Variants in TCOF1 observed in about 807,000 individuals in gnomAD.
TCOF1 encodes treacle protein.
TCOF1 carries 33 observed loss-of-function variants against 149.0 expected under a neutral mutation model. The observed-to-expected ratio is 0.22, with a 90% CI of 0.17 to 0.30. The LOEUF is 0.30. Ranked by LOEUF, TCOF1 falls within the 10% of genes least tolerant of loss-of-function variation. The pLI is 1.00. For missense variants in TCOF1, 1,728 were observed against 1,840.7 expected (o/e 0.94, Z 1.12); for synonymous variants, 789 against 738.8 (o/e 1.07, Z -1.10).
intron 1 of TCOF1, 49 bp from the exon 2 acceptor site, chr5:150,361,107 C>T: frequency 6.2e-7 from 1 of 1,612,528 alleles, no homozygotes; most frequent in South Asian, 1.1e-5. Flanking sequence ...CAAGAAGGAT[C>T]CTTACTGTGC....
chr5:150,376,731 A>G, intron 14 of TCOF1, 111 bp downstream of exon 14: 2 of 1,119,818 alleles, frequency 1.8e-6, no homozygotes, highest in South Asian at 1.3e-5. Context: ...GAAGCCTCAG[A>G]GGTAGCCTCA....
At position 150,392,714 on chromosome 5, in the gene TCOF1, C is replaced by T. The variant is rs1767692506; in HGVS notation, c.3527C>T (p.Thr1176Ile). 2 of 1,613,882 alleles carry T rather than the reference C, an allele frequency of 1.2e-6. No individual in the cohort carries two copies. The highest frequency in any genetic ancestry group is 1.3e-5 in the African/African-American group (1 of 74,912). ...AKSAHTLVGPTPSRTETLVEE... is the reference protein window; with the variant it reads ...AKSAHTLVGPIPSRTETLVEE... ...TACTGTGCTTCTCCAGTAGGTCCCACCCCCTCCAGGACAGAGACCCTGGTG... is the reference window on the plus strand; with the variant it reads ...TACTGTGCTTCTCCAGTAGGTCCCATCCCCTCCAGGACAGAGACCCTGGTG... Residue 1176 changes from threonine (T) to isoleucine (I), a missense_variant, in exon 22 of 27, where the codon ACC becomes ATC. Coordinates refer to ENST00000643257, the MANE Select transcript of TCOF1 (RefSeq NM_001371623.1).
intron 24 of TCOF1, among the ~76,000 whole-genome samples, chr5:150,397,819 A>G (rs1436694253): frequency 6.6e-6 from 1 of 152,232 alleles, no homozygotes; most frequent in Non-Finnish European, 1.5e-5. Context: ...CTAAAGAAAA[A>G]TGGTAGTCAT....
chr5:150,379,342 AGAGGAGGACTCAGGGAGCAGT>A lies in TCOF1; in HGVS notation c.2601_2621del (p.Asp867_Glu873del), dbSNP rs1331693528. ...CAGCAGCTCAGGCCCAGACAGGGCC[AGAGGAGGACTCAGGGAGCAGT>A]GAGGAGGAGTCAGACAGTGAGGAGG... On this transcript the variant is annotated inframe_deletion, in exon 16 of 27. Transcript: ENST00000643257. 1.2e-6 allele frequency: 2 copies of A among 1,614,220 alleles called. No homozygotes were observed. The highest frequency in any genetic ancestry group is 3.3e-5 in the Admixed American group (2 of 60,030).
chr5:150,380,873 A>T (rs1455234666), intron 17 of TCOF1: 1 of 152,120 alleles, frequency 6.6e-6, no homozygotes, highest in African/African-American at 2.4e-5. Context: ...GCCAGGCGTG[A>T]TGGCAGGCGT....
At chr5:150,398,228 G>T in intron 24 of TCOF1, 126 bp from the exon 25 acceptor site, 1 of 1,571,902 alleles carries the variant, frequency 6.4e-7, no homozygotes. Flanking sequence ...CGCCCTGCTG[G>T]CCTGTTGTGA....
Position 150,396,534 on chromosome 5 carries a change from G to T in TCOF1, c.4037G>T (p.Arg1346Leu), listed in dbSNP as rs979889720. The change falls in exon 24 of 27, where the codon CGC (arginine) becomes CTC (leucine). Residue 1346 changes from arginine to leucine, a missense_variant. Physicochemically the swap from Arg to Leu is moderately radical, Grantham distance 102 (BLOSUM62 -2). This residue lies in a region of TCOF1 where 1,696 missense variants were observed against 1,765.4 expected (regional missense o/e 0.96). Coordinates refer to ENST00000643257, the MANE Select transcript of TCOF1 (RefSeq NM_001371623.1). ...KESSRKGWES[R>L]KRKLSGDQPA... ...AGCAGCAGGAAGGGCTGGGAGAGCC[G>T]CAAGCGGAAGCTATCGGGAGACCAG... The T allele has an allele frequency of 6.2e-7, 1 of 1,600,900 alleles. No individual in the cohort carries two copies. The highest frequency in any genetic ancestry group is 8.5e-7 in the Non-Finnish European group (1 of 1,173,972).
At chr5:150,388,613 A>G (rs140418773) in intron 18 of TCOF1, among the ~76,000 whole-genome samples, 126 of 152,332 alleles carry the variant, frequency 8.3e-4, no homozygotes, top group African/African-American at 3.0e-3. Context: ...TAACAGTTTT[A>G]CAAGCAATAA....
chr5:150,384,500 CCTCTGGCTCTGTGTGGAGCCTTTACG>C (rs1212368267), intron 17 of TCOF1: 2 of 985,492 alleles, frequency 2.0e-6, no homozygotes, highest in African/African-American at 3.5e-5. Flanking sequence ...TGGGCATTGC[CCTCTGGCTCTGTGTGGAGCCTTTACG>C]AGGCCACCTG....
At position 150,379,669 on chromosome 5, in the gene TCOF1, A is replaced by G; in HGVS notation, c.2796A>G (p.Ser932=). The G allele has an allele frequency of 6.2e-7, 1 of 1,614,210 alleles. No homozygotes were observed. The highest frequency in any genetic ancestry group is 1.1e-5 in the South Asian group (1 of 91,084). ...SAAQAGKQDD[S]GSSSEESDSD... Reference sequence around the variant, plus strand: ...CCCAGGCAGGGAAGCAGGATGACTCAGGGAGCAGCAGCGAGGAATCAGACA... The same window carrying G: ...CCCAGGCAGGGAAGCAGGATGACTCGGGGAGCAGCAGCGAGGAATCAGACA... Residue 932 remains serine (S), a synonymous_variant, in exon 17 of 27, where the codon TCA becomes TCG. Transcript: ENST00000643257.
In TCOF1 at chr5:150,387,958, T is replaced by C; in HGVS notation, c.2916T>C (p.Ala972=). The C allele has an allele frequency of 9.3e-6, 15 of 1,614,030 alleles. No homozygotes were observed. The highest frequency in any genetic ancestry group is 1.3e-5 in the Non-Finnish European group (15 of 1,180,032). Residue 972 remains alanine (A), a synonymous_variant, in exon 18 of 27, where the codon GCT becomes GCC. Transcript: ENST00000643257. ...CTAATCGTAGTCCAGCTGGCCCAGC[T>C]GCTACACCCGCACAAGCCCAGGCTG... ...VDPNRSPAGP[A]ATPAQAQAAS... is the part of the protein sequence containing the mutation.
chr5:150,370,210 G>A (rs547583079), intron 6 of TCOF1, among the ~76,000 whole-genome samples: 29 of 152,294 alleles, frequency 1.9e-4, no homozygotes, highest in Non-Finnish European at 2.8e-4. Context: ...GCAAGGGAGC[G>A]TCCCTCAGAT....
rs1380066886 is a variant in TCOF1, at chr5:150,393,398, T to C, written c.3630T>C (p.Pro1210=). Reference sequence around the variant, plus strand: ...CTCTCCTCTCAGGTTATATGACCCCTGGACTAACCCCAGCCAATTCCCAGG... The same window carrying C: ...CTCTCCTCTCAGGTTATATGACCCCCGGACTAACCCCAGCCAATTCCCAGG... The part of the protein sequence containing the change: ...SQSLLSGYMT[P]GLTPANSQAS... The change falls in exon 23 of 27, where the codon CCT becomes CCC. Residue 1210 remains proline (P), a synonymous_variant. Transcript: ENST00000643257. 1 of 1,614,090 alleles carries C rather than the reference T, an allele frequency of 6.2e-7. No individual in the cohort carries two copies. Among genetic ancestry groups the C allele is most frequent in the East Asian group, 2.2e-5 (1 of 44,868 alleles).
rs1404649247 is a variant in TCOF1 at position 150,400,151 on chromosome 5, GGCCTGACCTGT to G, written c.*369_*379del. The stretch of plus-strand genomic sequence containing the variant: ...CCACCTTGCTCCACAGATCCAGCTA[GGCCTGACCTGT>G]GCCTCATCCCGTGCCGCTCGGTCTC... On this transcript the variant is annotated 3_prime_UTR_variant, in exon 27 of 27. Coordinates refer to ENST00000643257, the MANE Select transcript of TCOF1 (RefSeq NM_001371623.1). The G allele has an allele frequency of 1.3e-5, 2 of 152,200 alleles. No homozygotes were observed. The highest frequency in any genetic ancestry group is 2.9e-5 in the Non-Finnish European group (2 of 68,052). 9.4% of individuals were successfully genotyped at this position (152,200 alleles called of 1,614,324 possible).
intron 17 of TCOF1, 116 bp downstream of exon 17, chr5:150,379,848 T>G (rs1466512516): frequency 3.3e-5 from 44 of 1,313,440 alleles, no homozygotes; most frequent in Admixed American, 5.9e-5. Context: ...GAGGCAGATG[T>G]ATCACTTGAG....
At chr5:150,384,834 T>C in intron 17 of TCOF1, 1 of 985,492 alleles carries the variant, frequency 1.0e-6, no homozygotes, top group Non-Finnish European at 1.2e-6. Context: ...TTCATTATTG[T>C]ACATTTATTG....
Position 150,374,975 on chromosome 5 carries a change from C to T in TCOF1, c.1300C>T (p.Pro434Ser), listed in dbSNP as rs143519179. 342 of 1,608,748 alleles carry T rather than the reference C, an allele frequency of 2.1e-4. 1 individual carries two copies. The African/African-American group carries it at 4.0e-3, about 19-fold the overall frequency. ...CCAGGCGAAGCCTTCAGGGAAGGCCCCCCAGGTCAGAGCCGCCTCGGCCCC... is the reference window on the plus strand; with the variant it reads ...CCAGGCGAAGCCTTCAGGGAAGGCCTCCCAGGTCAGAGCCGCCTCGGCCCC... ...PAQAKPSGKAPQVRAASAPAK... is the reference protein window; with the variant it reads ...PAQAKPSGKASQVRAASAPAK... Residue 434 changes from proline (P) to serine (S), a missense_variant, in exon 10 of 27, where the codon CCC (proline) becomes TCC (serine). Transcript: ENST00000643257.
intron 1 of TCOF1, among the ~76,000 whole-genome samples, chr5:150,360,729 C>T (rs1027685328): frequency 1.3e-5 from 2 of 149,378 alleles, no homozygotes; most frequent in Non-Finnish European, 3.0e-5. Context: ...GCAAAAAGAC[C>T]CTCTTTTTTT....
intron 18 of TCOF1, 100 bp downstream of exon 18, chr5:150,388,188 G>A: frequency 6.5e-7 from 1 of 1,530,088 alleles, no homozygotes; most frequent in South Asian, 1.2e-5. Context: ...ATAGCAAGGT[G>A]TTGGTCGGGA....
Sources: gnomAD v4.1 joint callset for allele counts (sites outside exome capture counted in the v4.1 genomes callset) on GRCh38, gnomAD v4.1.1 for gene constraint, gnomAD v4.1.1 regional missense constraint, MANE v1.5 for transcripts, NCBI Gene and HGNC (gene_info 2026-07-23, HGNC 2026-07-21) for gene names.